YPEL2: variants seen among roughly 807,000 people sequenced by gnomAD.
YPEL2 encodes the protein yippee like 2.
YPEL2 carries 2 observed loss-of-function variants against 19.1 expected under a neutral mutation model. That is an observed-to-expected ratio of 0.10 (90% CI 0.04 to 0.33). The LOEUF (loss-of-function observed/expected upper bound fraction) is 0.33, where lower values mean the gene tolerates loss of function less well. Among genes scored for constraint, YPEL2 ranks in the 10% least tolerant of loss-of-function variants. YPEL2 has a pLI of 1.00. For missense variants in YPEL2, 66 were observed against 140.7 expected (o/e 0.47, Z 2.68); for synonymous variants, 52 against 50.0 (o/e 1.04, Z -0.17).
rs567838689 is a variant in YPEL2, at chr17:59,399,689, A to G, written c.*2499A>G. The G allele has an allele frequency of 6.5e-6, 1 of 152,754 alleles. No individual in the cohort carries two copies. The highest frequency in any genetic ancestry group is 2.1e-4 in the South Asian group (1 of 4,826). The allele number at this position is 152,754 out of a possible 1,614,324, so 9.5% of individuals were successfully genotyped here. ...GTCAGTGAAACCAAAAGTGCTTCTT[A>G]CAACGTTCGCTCTGTTCATGGGTTG... On this transcript the variant is annotated 3_prime_UTR_variant, in exon 5 of 5. Transcript: ENST00000312655.
chr17:59,367,685 A>T (rs890366159), intron 2 of YPEL2, among the ~76,000 whole-genome samples: 1 of 152,158 alleles, frequency 6.6e-6, no homozygotes, highest in Non-Finnish European at 1.5e-5. Flanking sequence ...TTGTATGAAG[A>T]GTGTAGGGGT....
chr17:59,390,509 T>A (rs1470130964), intron 4 of YPEL2, among the ~76,000 whole-genome samples: 1 of 152,162 alleles, frequency 6.6e-6, no homozygotes, highest in Non-Finnish European at 1.5e-5. Context: ...AACACCTAGG[T>A]CCCAGGCCCT....
At chr17:59,376,770 A>G (rs2047922920) in intron 2 of YPEL2, among the ~76,000 whole-genome samples, 1 of 151,890 alleles carries the variant, frequency 6.6e-6, no homozygotes, top group Non-Finnish European at 1.5e-5. Context: ...TACAAACTCT[A>G]ATTTCACTGT....
At chr17:59,364,066 G>A (rs774617041) in intron 2 of YPEL2, among the ~76,000 whole-genome samples, 3 of 152,254 alleles carry the variant, frequency 2.0e-5, no homozygotes, top group South Asian at 4.1e-4. Flanking sequence ...TGACTGTCTT[G>A]TGGTATGGTC....
chr17:59,366,375 G>T (rs773147541), intron 2 of YPEL2, among the ~76,000 whole-genome samples: 24 of 152,166 alleles, frequency 1.6e-4, no homozygotes, highest in Non-Finnish European at 2.6e-4. Flanking sequence ...GCAGCAACAA[G>T]GATCTCCTTC....
At chr17:59,339,312 G>C (rs368686016) in intron 1 of YPEL2, among the ~76,000 whole-genome samples, 1 of 152,114 alleles carries the variant, frequency 6.6e-6, no homozygotes, top group African/African-American at 2.4e-5. Context: ...TTTTGCTCGC[G>C]GGGCTCTTTT....
rs963585722 is a variant in YPEL2, at chr17:59,353,324, G to C, written c.-86G>C. Reference sequence around the variant, plus strand: ...CGCTGCCAAACCACGGCCTTTACCTGTGTCTTCCGGTGTTTCCCGTGCGAC... The same window carrying C: ...CGCTGCCAAACCACGGCCTTTACCTCTGTCTTCCGGTGTTTCCCGTGCGAC... On this transcript the variant is annotated 5_prime_UTR_variant, in exon 2 of 5. Transcript: ENST00000312655. This position sits in a 1 kb window ranked among gnomAD's most constrained non-coding sequence, Gnocchi z 4.8. The C allele has an allele frequency of 3.1e-6, 3 of 982,004 alleles. No homozygotes were observed. The highest frequency in any genetic ancestry group is 3.2e-5 in the African/African-American group (2 of 61,542). 60.8% of individuals were successfully genotyped at this position (982,004 alleles called of 1,614,324 possible). A position where few individuals can be genotyped will look rare whatever the true frequency, so the allele number is the denominator to read the frequency against.
intron 2 of YPEL2, among the ~76,000 whole-genome samples, chr17:59,356,561 CA>C (rs1485491072): frequency 6.6e-6 from 1 of 152,228 alleles, no homozygotes; most frequent in Non-Finnish European, 1.5e-5. Flanking sequence ...TAGTTGCTTG[CA>C]ATCAATTGTC....
chr17:59,360,709 T>G (rs2047836467), intron 2 of YPEL2, among the ~76,000 whole-genome samples: 1 of 143,916 alleles, frequency 6.9e-6, no homozygotes, highest in Admixed American at 7.0e-5. Flanking sequence ...TTTACAGTGT[T>G]TCTTGGTGAA....
intron 2 of YPEL2, among the ~76,000 whole-genome samples, chr17:59,358,715 T>G (rs2047825519): frequency 6.6e-6 from 1 of 152,120 alleles, no homozygotes; most frequent in Non-Finnish European, 1.5e-5. Context: ...GTTCAAGCGA[T>G]TCTCCTGCCT....
At chr17:59,333,352 G>A (rs538056743) in intron 1 of YPEL2, among the ~76,000 whole-genome samples, 24 of 152,330 alleles carry the variant, frequency 1.6e-4, no homozygotes, top group Middle Eastern at 3.4e-3. Flanking sequence ...CTTTGCCGCC[G>A]CAGGTTAGCA....
At chr17:59,388,400 T>A (rs1192974463) in intron 3 of YPEL2, 30 bp downstream of exon 3, 1 of 1,610,680 alleles carries the variant, frequency 6.2e-7, no homozygotes. Flanking sequence ...ACATTCCTTG[T>A]GGGGTACAGA....
At chr17:59,339,427 T>C (rs965595903) in intron 1 of YPEL2, among the ~76,000 whole-genome samples, 1 of 152,226 alleles carries the variant, frequency 6.6e-6, no homozygotes, top group Non-Finnish European at 1.5e-5. Flanking sequence ...AACTCCCTTT[T>C]TCTTGTGCCT....
At chr17:59,333,067 G>T (rs926638994) in intron 1 of YPEL2, among the ~76,000 whole-genome samples, 11 of 152,234 alleles carry the variant, frequency 7.2e-5, no homozygotes, top group African/African-American at 2.7e-4. Flanking sequence ...CTGGCTCTGG[G>T]GTGGGACTTG....
At chr17:59,374,900 A>ACT (rs1165341270) in intron 2 of YPEL2, among the ~76,000 whole-genome samples, 1 of 152,212 alleles carries the variant, frequency 6.6e-6, no homozygotes, top group African/African-American at 2.4e-5. Context: ...AAGCTACTAA[A>ACT]CTGGGAGAAG....
Position 59,374,042 on chromosome 17 carries a change from A to T in YPEL2, c.118-14285A>T, listed in dbSNP as rs190181386. 3.0e-4 allele frequency among the ~76,000 whole-genome samples: 45 copies of T among 152,352 alleles called. No homozygotes were observed. In the East Asian group the frequency reaches 8.1e-3, roughly 27 times the overall value. On this transcript the variant is annotated intron_variant, in intron 2 of 4. Transcript: ENST00000312655. ...TCTATTCTCTTGAGAATATGGACTC[A>T]CAGAATGTTCACCCTTGTAAGAGAC...
At chr17:59,337,256 C>CACT (rs1184410077) in intron 1 of YPEL2, among the ~76,000 whole-genome samples, 30 of 148,354 alleles carry the variant, frequency 2.0e-4, no homozygotes, top group African/African-American at 7.0e-4. Context: ...GGTGCAATCT[C>CACT]GGCTCACTGC....
chr17:59,342,605 A>G (rs1013938143), intron 1 of YPEL2, among the ~76,000 whole-genome samples: 1 of 152,202 alleles, frequency 6.6e-6, no homozygotes, highest in African/African-American at 2.4e-5. Flanking sequence ...ATCATGGGAA[A>G]AATCTATTTG....
At position 59,388,483 on chromosome 17, in the gene YPEL2, C is replaced by G. The variant is rs1598052246; in HGVS notation, c.161+113C>G. On this transcript the variant is annotated intron_variant, in intron 3 of 4. Coordinates refer to ENST00000312655, the MANE Select transcript of YPEL2 (RefSeq NM_001005404.4). The stretch of plus-strand genomic sequence containing the variant: ...CCCTGCCCTGTCTGCCACAGTAAAA[C>G]TCTGTGGAGCATTACTGTCCACAAT... The G allele has an allele frequency of 2.8e-6, 3 of 1,066,778 alleles. No individual in the cohort carries two copies. The East Asian group carries it at 7.1e-5, about 25-fold the overall frequency. 66.1% of individuals were successfully genotyped at this position (1,066,778 alleles called of 1,614,324 possible).
Sources: allele counts gnomAD v4.1 joint callset (sites outside exome capture counted in the v4.1 genomes callset), GRCh38; gene constraint gnomAD v4.1.1; non-coding constraint Gnocchi (gnomAD v3.1); transcripts MANE v1.5; gene names NCBI Gene and HGNC (gene_info 2026-07-23, HGNC 2026-07-21).